Variants in STON1 observed in about 807,000 individuals in gnomAD.
STON1 encodes stonin-1.
In STON1, 79 loss-of-function variants were observed where a neutral mutation model predicts 60.9. The observed-to-expected ratio is 1.30, with a 90% confidence interval of 1.08 to 1.56. The LOEUF is 1.56. Ranked by LOEUF, STON1 falls within the 40% of genes most tolerant of loss-of-function variation. The pLI is 0.00. For missense variants in STON1, 1,166 were observed against 858.9 expected (o/e 1.36, Z -4.47); for synonymous variants, 363 against 306.9 (o/e 1.18, Z -1.91).
chr2:48,533,662 CAAA>C (rs57217272), intron 1 of STON1, among the ~76,000 whole-genome samples: 4 of 56,318 alleles, frequency 7.1e-5, no homozygotes, highest in South Asian at 8.7e-4. Context: ...AACTCCGTCT[CAAA>C]AAAAAAAAAA....
chr2:48,578,259 T>G (rs1673635433), intron 1 of STON1, among the ~76,000 whole-genome samples: 1 of 152,192 alleles, frequency 6.6e-6, no homozygotes, highest in Non-Finnish European at 1.5e-5. Flanking sequence ...ATTACAGGTG[T>G]GAGCCACTGC....
chr2:48,542,971 C>CTTTTTTTTTTTTTTTTTTTTTT (rs761874001), intron 1 of STON1, among the ~76,000 whole-genome samples: 1 of 105,494 alleles, frequency 9.5e-6, no homozygotes. Context: ...AATATCTTGA[C>CTTTTTTTTTTTTTTTTTTTTTT]TTTTTTTTTT....
chr2:48,581,060 A>T lies in STON1; in HGVS notation c.427A>T (p.Thr143Ser). The T allele has an allele frequency of 6.3e-7, 1 of 1,595,306 alleles. No homozygotes were observed. Among genetic ancestry groups the T allele is most frequent in the Non-Finnish European group, 8.5e-7 (1 of 1,172,630 alleles). The change falls in exon 2 of 4, where the codon ACA (threonine) becomes TCA (serine). Residue 143 changes from threonine to serine, a missense_variant. Physicochemically the swap from Thr to Ser is moderately conservative, Grantham distance 58. Transcript: ENST00000404752. ...HALLPSDHSC[T>S]HPTPKVGLPD... ...CTTGTTACCCAGTGACCACTCATGT[A>T]CACATCCAACTCCCAAAGTAGGTCT...
rs903396754 is a variant in STON1, at chr2:48,584,194, C to T, written c.1930+1631C>T. Among the ~76,000 whole-genome samples, 7 of 152,162 alleles carry T rather than the reference C, an allele frequency of 4.6e-5. No homozygotes were observed. The South Asian group carries it at 6.2e-4, about 14-fold the overall frequency. On this transcript the variant is annotated intron_variant, in intron 2 of 3. Transcript: ENST00000404752. Reference sequence around the variant, plus strand: ...TCAGAGAAATTTAAGCTCATCTAGGCCCCTCCAGGCTGTGGACTTCAGAGG... The same window carrying T: ...TCAGAGAAATTTAAGCTCATCTAGGTCCCTCCAGGCTGTGGACTTCAGAGG...
chr2:48,593,721 T>C (rs1439011060), intron 3 of STON1, among the ~76,000 whole-genome samples: 4 of 152,224 alleles, frequency 2.6e-5, no homozygotes, highest in African/African-American at 9.7e-5. Flanking sequence ...AATAGTGATA[T>C]TATACATGAC....
intron 1 of STON1, among the ~76,000 whole-genome samples, chr2:48,551,799 G>A (rs1572937733): frequency 6.6e-6 from 1 of 152,292 alleles, no homozygotes; most frequent in African/African-American, 2.4e-5. Context: ...CCTATGCCAG[G>A]GCAGAGAACC....
intron 1 of STON1, among the ~76,000 whole-genome samples, chr2:48,571,860 A>T (rs1202341867): frequency 6.6e-6 from 1 of 152,160 alleles, no homozygotes; most frequent in Non-Finnish European, 1.5e-5. Flanking sequence ...GAGAAACGGA[A>T]GCAAGTGTAA....
At chr2:48,563,408 G>A (rs1355755957) in intron 1 of STON1, among the ~76,000 whole-genome samples, 1 of 152,222 alleles carries the variant, frequency 6.6e-6, no homozygotes, top group African/African-American at 2.4e-5. Flanking sequence ...AGCAAAGGCA[G>A]GGATGTCCTC....
intron 3 of STON1, among the ~76,000 whole-genome samples, chr2:48,592,449 T>G (rs927792201): frequency 6.6e-6 from 1 of 151,322 alleles, no homozygotes; most frequent in African/African-American, 2.4e-5. Flanking sequence ...TTTTTTTTTT[T>G]AAGACGGCAT....
chr2:48,578,128 C>A (rs1661227895), intron 1 of STON1, among the ~76,000 whole-genome samples: 1 of 152,112 alleles, frequency 6.6e-6, no homozygotes, highest in African/African-American at 2.4e-5. Flanking sequence ...GTGTGTGCCA[C>A]CAGGCCTGGC....
intron 1 of STON1, among the ~76,000 whole-genome samples, chr2:48,556,800 A>G (rs1324601439): frequency 2.8e-5 from 1 of 35,142 alleles, no homozygotes; most frequent in Non-Finnish European, 5.1e-5. Context: ...GGGGGGGCTG[A>G]CCCCCCACCT....
intron 1 of STON1, among the ~76,000 whole-genome samples, chr2:48,535,755 T>C (rs539194439): frequency 5.3e-5 from 8 of 152,076 alleles, no homozygotes; most frequent in Middle Eastern, 3.4e-3. Flanking sequence ...TTTAGAAAAT[T>C]TTATCCTACC....
intron 1 of STON1, among the ~76,000 whole-genome samples, chr2:48,533,846 C>A (rs902578387): frequency 6.8e-6 from 1 of 146,044 alleles, no homozygotes; most frequent in Non-Finnish European, 1.5e-5. Flanking sequence ...CTCAGCTTAT[C>A]GCAACCTCCA....
intron 1 of STON1, among the ~76,000 whole-genome samples, chr2:48,552,470 GTACACT>G (rs1324866133): frequency 6.6e-6 from 1 of 152,066 alleles, no homozygotes; most frequent in African/African-American, 2.4e-5. Context: ...CCACTAAAGT[GTACACT>G]TACAGGCCGG....
Position 48,597,255 on chromosome 2 carries a change from T to C in STON1, c.*1953T>C, listed in dbSNP as rs530872379. The C allele has an allele frequency of 4.6e-5, 7 of 152,298 alleles. No individual in the cohort carries two copies. In the East Asian group the frequency reaches 1.3e-3, roughly 29 times the overall value. The allele number at this position is 152,298 out of a possible 1,614,324, so 9.4% of individuals were successfully genotyped here. On this transcript the variant is annotated 3_prime_UTR_variant, in exon 4 of 4. Coordinates refer to ENST00000404752, the MANE Select transcript of STON1 (RefSeq NM_006873.4). Reference sequence around the variant, plus strand: ...GGGCAAATCTGTGTGTGTATGTCATTAAAAAAATTCTACCATCTTTCTTTA... The same window carrying C: ...GGGCAAATCTGTGTGTGTATGTCATCAAAAAAATTCTACCATCTTTCTTTA...
chr2:48,594,130 C>T (rs1034126638), intron 3 of STON1, among the ~76,000 whole-genome samples: 5 of 152,148 alleles, frequency 3.3e-5, no homozygotes, highest in African/African-American at 1.2e-4. Context: ...TTTCCTGCCT[C>T]ACTCCCCCAT....
chr2:48,558,640 C>T lies in STON1; in HGVS notation c.-47-21947C>T, dbSNP rs78844473. 6.6e-3 allele frequency among the ~76,000 whole-genome samples: 1,006 copies of T among 152,180 alleles called. 16 individuals are homozygous for T. The highest frequency in any genetic ancestry group is 0.023 in the African/African-American group (946 of 41,472). On this transcript the variant is annotated intron_variant, in intron 1 of 3. Transcript: ENST00000404752. ...GGTGGGAGAAATTCTTTTACACTGG[C>T]GTTAACTGGCACATAACTCAAATCA...
At chr2:48,536,038 G>T (rs1288298755) in intron 1 of STON1, among the ~76,000 whole-genome samples, 1 of 152,096 alleles carries the variant, frequency 6.6e-6, no homozygotes, top group Non-Finnish European at 1.5e-5. Context: ...AATGAGCTGA[G>T]ATCAGGCCAC....
In STON1 at chr2:48,597,013, T is replaced by G. The variant is rs1002965091; in HGVS notation, c.*1711T>G. 6 of 152,120 alleles carry G rather than the reference T, an allele frequency of 3.9e-5. No individual in the cohort carries two copies. Among genetic ancestry groups the G allele is most frequent in the African/African-American group, 1.4e-4 (6 of 41,414 alleles). The allele number at this position is 152,120 out of a possible 1,614,324, so 9.4% of individuals were successfully genotyped here. A position where few individuals can be genotyped will look rare whatever the true frequency, so the allele number is the denominator to read the frequency against. On this transcript the variant is annotated 3_prime_UTR_variant, in exon 4 of 4. Coordinates refer to ENST00000404752, the MANE Select transcript of STON1 (RefSeq NM_006873.4). ...ACAGGCACAAGCCACCATGCCTGGCTAAAATTCTTTTGTATTTTTACTACA... is the reference window on the plus strand; with the variant it reads ...ACAGGCACAAGCCACCATGCCTGGCGAAAATTCTTTTGTATTTTTACTACA...
Sources: allele counts gnomAD v4.1 joint callset (sites outside exome capture counted in the v4.1 genomes callset), GRCh38; gene constraint gnomAD v4.1.1; transcripts MANE v1.5; gene names NCBI Gene and HGNC (gene_info 2026-07-23, HGNC 2026-07-21).